RIMS1: variants seen among roughly 807,000 people sequenced by gnomAD.
RIMS1 encodes regulating synaptic membrane exocytosis protein 1.
RIMS1 carries 83 observed loss-of-function variants against 214.1 expected under a neutral mutation model. The ratio of observed to expected loss-of-function variants is 0.39; its 90% CI spans 0.32 to 0.47. The LOEUF (loss-of-function observed/expected upper bound fraction) is 0.47. RIMS1 is among the 20% of genes least tolerant of loss of function. The probability of loss-of-function intolerance (pLI) is 0.99; values close to 1 mark genes in which losing one functional copy is unlikely to be tolerated. For missense variants in RIMS1, 2,050 were observed against 2,161.8 expected, an observed-to-expected ratio of 0.95 and a Z score of 1.03; for synonymous variants, 793 against 786.8, an observed-to-expected ratio of 1.01 and a Z score of -0.13.
intron 6 of RIMS1, among the ~76,000 whole-genome samples, chr6:72,207,479 G>A (rs114969789): frequency 2.0e-3 from 303 of 151,752 alleles, no homozygotes; most frequent in Middle Eastern, 6.8e-3. Flanking sequence ...GATTTTTTTT[G>A]TGGAGAAATA....
chr6:72,382,542 A>G lies in RIMS1; in HGVS notation c.4367-8056A>G, dbSNP rs1215082643. Among the ~76,000 whole-genome samples, 6 of 152,326 alleles carry G rather than the reference A, an allele frequency of 3.9e-5. No individual in the cohort carries two copies. In the East Asian group the frequency reaches 1.2e-3, roughly 29 times the overall value. On this transcript the variant is annotated intron_variant, in intron 29 of 33. Transcript: ENST00000521978. The stretch of plus-strand genomic sequence containing the variant: ...CAATTGTATATGGGTAAAATTGTAT[A>G]AGGAAGACCAGGACCTTGAGATTAT...
At chr6:71,919,412 A>T (rs1361748650) in intron 1 of RIMS1, among the ~76,000 whole-genome samples, 1 of 152,104 alleles carries the variant, frequency 6.6e-6, no homozygotes, top group Non-Finnish European at 1.5e-5. Context: ...GGAAGGAAAA[A>T]AAAACAATTA....
chr6:71,903,799 TG>T (rs1372998729), intron 1 of RIMS1, among the ~76,000 whole-genome samples: 1 of 152,026 alleles, frequency 6.6e-6, no homozygotes, highest in East Asian at 1.9e-4. Flanking sequence ...TAAGTCTGCA[TG>T]CATATTAAGT....
At chr6:72,145,043 G>C (rs562700428) in intron 4 of RIMS1, among the ~76,000 whole-genome samples, 47 of 151,974 alleles carry the variant, frequency 3.1e-4, no homozygotes, top group East Asian at 2.1e-3. Context: ...CAGTTCTTTT[G>C]TTAAAAACAA....
intron 8 of RIMS1, 128 bp from the exon 9 acceptor site, chr6:72,237,695 T>C: frequency 1.5e-6 from 1 of 683,986 alleles, no homozygotes; most frequent in South Asian, 1.9e-5. Flanking sequence ...AAAAAAGTGC[T>C]TCACTTCATT....
chr6:71,986,347 G>A (rs371112084), intron 2 of RIMS1, among the ~76,000 whole-genome samples: 10 of 151,798 alleles, frequency 6.6e-5, no homozygotes, highest in African/African-American at 9.7e-5. Flanking sequence ...CTTATTCCTC[G>A]TCTGACTGAA....
chr6:72,037,314 T>C (rs947210586), intron 2 of RIMS1, among the ~76,000 whole-genome samples: 3 of 150,992 alleles, frequency 2.0e-5, no homozygotes, highest in African/African-American at 7.3e-5. Flanking sequence ...AAAAAAAGAG[T>C]TGGATATTCT....
intron 4 of RIMS1, among the ~76,000 whole-genome samples, chr6:72,152,923 G>A (rs2043885511): frequency 7.3e-6 from 1 of 136,830 alleles, no homozygotes; most frequent in Admixed American, 7.7e-5. Context: ...GTATATATAT[G>A]TATATATATG....
chr6:71,947,366 C>T (rs1470556137), intron 1 of RIMS1, among the ~76,000 whole-genome samples: 1 of 152,064 alleles, frequency 6.6e-6, no homozygotes, highest in African/African-American at 2.4e-5. Context: ...GAATACTGTT[C>T]AACCTTATAA....
chr6:71,913,343 G>A (rs1008126419), intron 1 of RIMS1, among the ~76,000 whole-genome samples: 5 of 152,066 alleles, frequency 3.3e-5, no homozygotes, highest in African/African-American at 7.2e-5. Flanking sequence ...TTGAAGGGAC[G>A]GTTACTTGGT....
intron 27 of RIMS1, among the ~76,000 whole-genome samples, chr6:72,308,501 A>G (rs1457346206): frequency 1.3e-5 from 2 of 152,198 alleles, no homozygotes; most frequent in Non-Finnish European, 2.9e-5. Context: ...AGCTTGAAAT[A>G]TGGACCTAGA....
At chr6:72,166,593 A>G (rs949818019) in intron 4 of RIMS1, among the ~76,000 whole-genome samples, 1 of 152,086 alleles carries the variant, frequency 6.6e-6, no homozygotes, top group Non-Finnish European at 1.5e-5. Flanking sequence ...TTATCTTGCT[A>G]GGTAGAGCAT....
intron 2 of RIMS1, among the ~76,000 whole-genome samples, chr6:71,994,549 TTAAA>T (rs1223585823): frequency 6.6e-6 from 1 of 152,174 alleles, no homozygotes; most frequent in Admixed American, 6.6e-5. Flanking sequence ...TTGTCACATC[TTAAA>T]TATAGTTTTT....
At chr6:72,020,955 G>A (rs1814464712) in intron 2 of RIMS1, among the ~76,000 whole-genome samples, 2 of 152,202 alleles carry the variant, frequency 1.3e-5, no homozygotes, top group Non-Finnish European at 2.9e-5. Context: ...ATGTGATACT[G>A]TACTGATTAC....
chr6:72,126,405 A>G (rs2039511241), intron 4 of RIMS1, among the ~76,000 whole-genome samples: 1 of 152,138 alleles, frequency 6.6e-6, no homozygotes, highest in African/African-American at 2.4e-5. Context: ...TGCAACAAAA[A>G]CAGTAATGAA....
At chr6:72,381,456 G>A (rs968283599) in intron 29 of RIMS1, among the ~76,000 whole-genome samples, 1 of 152,292 alleles carries the variant, frequency 6.6e-6, no homozygotes, top group African/African-American at 2.4e-5. Context: ...CAATTTACAC[G>A]AGTGAGAAGT....
chr6:71,890,770 C>G (rs896289464), intron 1 of RIMS1, among the ~76,000 whole-genome samples: 21 of 151,866 alleles, frequency 1.4e-4, no homozygotes, highest in African/African-American at 5.1e-4. Context: ...TAATCTAATG[C>G]CAAATAGTTA....
intron 1 of RIMS1, among the ~76,000 whole-genome samples, chr6:71,895,971 A>T (rs1320375051): frequency 6.6e-6 from 1 of 152,134 alleles, no homozygotes; most frequent in Non-Finnish European, 1.5e-5. Flanking sequence ...TATTTCACAC[A>T]GCTTAGCAGA....
At chr6:71,968,424 C>A (rs1230024934) in intron 1 of RIMS1, among the ~76,000 whole-genome samples, 1 of 152,156 alleles carries the variant, frequency 6.6e-6, no homozygotes, top group Non-Finnish European at 1.5e-5. Flanking sequence ...CACACACACA[C>A]ACTCTTTATA....
Sources: allele counts gnomAD v4.1 joint callset (sites outside exome capture counted in the v4.1 genomes callset), GRCh38; gene constraint gnomAD v4.1.1; transcripts MANE v1.5; gene names NCBI Gene and HGNC (gene_info 2026-07-23, HGNC 2026-07-21).